STAG1: variants seen among roughly 807,000 people sequenced by gnomAD.
The protein encoded by STAG1 is STAG1 cohesin complex component.
A neutral mutation model predicts 170.9 loss-of-function variants in STAG1; 26 were observed. The ratio of observed to expected loss-of-function variants is 0.15; its 90% confidence interval spans 0.11 to 0.21. The LOEUF is 0.21. STAG1 is among the 10% of genes least tolerant of loss of function. STAG1 has a pLI of 1.00. For missense variants in STAG1, 964 were observed against 1,509.5 expected (o/e 0.64, Z 5.99); for synonymous variants, 514 against 497.7 (o/e 1.03, Z -0.44).
At chr3:136,468,072 C>G (rs2107805064) in intron 12 of STAG1, among the ~76,000 whole-genome samples, 2 of 152,276 alleles carry the variant, frequency 1.3e-5, no homozygotes, top group East Asian at 3.9e-4. Flanking sequence ...CTAAAATTGA[C>G]AACCTAACAT....
chr3:136,401,121 G>A (rs2087313109), intron 21 of STAG1, among the ~76,000 whole-genome samples: 1 of 152,132 alleles, frequency 6.6e-6, no homozygotes, highest in African/African-American at 2.4e-5. Flanking sequence ...AGTGTAAAAA[G>A]GAAATAACAT....
At chr3:136,683,268 AT>A (rs35597261) in intron 1 of STAG1, among the ~76,000 whole-genome samples, 97,244 of 148,772 alleles carry the variant, frequency 0.65, 33,734 homozygotes, top group African/African-American at 0.9. Context: ...TTTCAACACA[AT>A]TTTTTTTTTT....
intron 7 of STAG1, among the ~76,000 whole-genome samples, chr3:136,516,154 G>T (rs1934363537): frequency 6.6e-6 from 1 of 152,088 alleles, no homozygotes; most frequent in African/African-American, 2.4e-5. Flanking sequence ...AATCTGTGTG[G>T]TTAAAAATTA....
At chr3:136,558,673 ACTAAAGC>A (rs953180819) in intron 5 of STAG1, among the ~76,000 whole-genome samples, 1 of 152,240 alleles carries the variant, frequency 6.6e-6, no homozygotes, top group African/African-American at 2.4e-5. Flanking sequence ...ACATCACCTG[ACTAAAGC>A]ATGAAAAGTT....
At chr3:136,395,176 A>G (rs2087115740) in intron 22 of STAG1, among the ~76,000 whole-genome samples, 3 of 152,206 alleles carry the variant, frequency 2.0e-5, no homozygotes, top group Admixed American at 6.5e-5. Context: ...ATACAAAAAT[A>G]AAACTATCTT....
chr3:136,706,907 A>G (rs1943242613), intron 1 of STAG1, among the ~76,000 whole-genome samples: 1 of 152,230 alleles, frequency 6.6e-6, no homozygotes, highest in Non-Finnish European at 1.5e-5. Flanking sequence ...AATACACTCT[A>G]TGGTCAACTG....
chr3:136,418,360 CAAAAAAAAAAAAAAAAAAAAAAAAAAA>C (rs767401141), intron 20 of STAG1, among the ~76,000 whole-genome samples: 13 of 49,746 alleles, frequency 2.6e-4, no homozygotes, highest in African/African-American at 9.7e-4. Flanking sequence ...ACTCTGTCTC[CAAAAAAAAAAAAAAAAAAAAAAAAAAA>C]AAAAAAAAAA....
intron 3 of STAG1, among the ~76,000 whole-genome samples, chr3:136,613,009 TGA>T (rs1342695555): frequency 2.6e-5 from 4 of 151,970 alleles, no homozygotes; most frequent in Admixed American, 1.3e-4. Context: ...CAGCAAGAAA[TGA>T]GAGTTTCTGG....
Position 136,718,228 on chromosome 3 carries a change from T to C in STAG1, c.-84+33967A>G, listed in dbSNP as rs927875233. Among the ~76,000 whole-genome samples the C allele has an allele frequency of 3.3e-5, 5 of 152,222 alleles. No individual in the cohort carries two copies. In the South Asian group the frequency reaches 6.2e-4, roughly 19 times the overall value. On this transcript the variant is annotated intron_variant, in intron 1 of 33. Coordinates refer to ENST00000383202, the MANE Select transcript of STAG1 (RefSeq NM_005862.3). ...TGGGAATATATTTATCTTTACGATA[T>C]TGGGGAGAAGAGTCTAGGTATGAGT...
chr3:136,349,502 C>T, intron 28 of STAG1, 139 bp from the exon 29 acceptor site: 1 of 661,426 alleles, frequency 1.5e-6, no homozygotes, highest in South Asian at 1.9e-5. Flanking sequence ...CAGTGGTCAC[C>T]TTTGGAAAGA....
rs995403207 is a variant in STAG1 at position 136,358,139 on chromosome 3, G to A, written c.2937-291C>T. Among the ~76,000 whole-genome samples the A allele has an allele frequency of 8.0e-5, 12 of 150,328 alleles. No homozygotes were observed. The South Asian group carries it at 1.7e-3, about 21-fold the overall frequency. ...GTCTCACTGTGTCGCCCAGGTTGGA[G>A]TGCAGTGGTGCTATCATGGCTCACT... On this transcript the variant is annotated intron_variant, in intron 27 of 33. Transcript: ENST00000383202.
chr3:136,678,762 C>T (rs1467195958), intron 1 of STAG1, among the ~76,000 whole-genome samples: 1 of 149,332 alleles, frequency 6.7e-6, no homozygotes, highest in South Asian at 2.1e-4. Flanking sequence ...CCTGTAATCC[C>T]GGCACTTTGG....
Position 136,337,078 on chromosome 3 carries a change from G to GAATT in STAG1, c.*1172_*1175dup, listed in dbSNP as rs1456029781. 6.6e-6 allele frequency: 1 copy of GAATT among 152,564 alleles called. No individual in the cohort carries two copies. The highest frequency in any genetic ancestry group is 2.4e-5 in the African/African-American group (1 of 41,444). The allele number at this position is 152,564 out of a possible 1,614,324, so 9.5% of individuals were successfully genotyped here. A position where few individuals can be genotyped will look rare whatever the true frequency, so the allele number is the denominator to read the frequency against. On this transcript the variant is annotated 3_prime_UTR_variant, in exon 34 of 34. Coordinates refer to ENST00000383202, the MANE Select transcript of STAG1 (RefSeq NM_005862.3). ...AGATTCATAATTTCTTTCCCCAAAA[G>GAATT]AATTATTCTTAATATGCACATTTAA... is the stretch of plus-strand genomic sequence containing the variant.
At chr3:136,359,085 G>A in intron 27 of STAG1, 63 bp downstream of exon 27, 1 of 1,360,654 alleles carries the variant, frequency 7.3e-7, no homozygotes, top group Non-Finnish European at 1.0e-6. Context: ...GGTCATATAA[G>A]AGTTATTTCA....
At chr3:136,472,558 T>A (rs1329695356) in intron 11 of STAG1, 66 bp from the exon 12 acceptor site, 4 of 1,145,204 alleles carry the variant, frequency 3.5e-6, no homozygotes, top group Non-Finnish European at 3.9e-6. Flanking sequence ...AGATCTAATA[T>A]AATGTATTCT....
chr3:136,464,615 T>G (rs1227587088), intron 13 of STAG1, among the ~76,000 whole-genome samples: 1 of 152,172 alleles, frequency 6.6e-6, no homozygotes, highest in African/African-American at 2.4e-5. Flanking sequence ...TTTATAAATT[T>G]CATGCATTCC....
intron 1 of STAG1, among the ~76,000 whole-genome samples, chr3:136,658,324 C>T (rs1202660848): frequency 6.6e-6 from 1 of 151,734 alleles, no homozygotes; most frequent in African/African-American, 2.4e-5. Context: ...GGGCATCCCA[C>T]ATATCTAGGT....
chr3:136,523,414 T>C (rs561194760), intron 6 of STAG1, among the ~76,000 whole-genome samples: 164 of 11,030 alleles, frequency 0.015, 1 homozygote, highest in Non-Finnish European at 6.3e-3. Flanking sequence ...GTTGATGGGG[T>C]TGTTTTCTTT....
chr3:136,659,988 G>T (rs183463596), intron 1 of STAG1, among the ~76,000 whole-genome samples: 5 of 152,204 alleles, frequency 3.3e-5, no homozygotes, highest in Admixed American at 3.3e-4. Flanking sequence ...AGAACAGCCT[G>T]CACAACAAAG....
Sources: gnomAD v4.1 joint callset for allele counts (sites outside exome capture counted in the v4.1 genomes callset) on GRCh38, gnomAD v4.1.1 for gene constraint, MANE v1.5 for transcripts, NCBI Gene and HGNC (gene_info 2026-07-23, HGNC 2026-07-21) for gene names.